The following PRKG1 variants were observed in gnomAD, a reference collection of about 807,000 sequenced individuals.
The protein encoded by PRKG1 is protein kinase cGMP-dependent 1, also known as cGMP-dependent protein kinase 1.
PRKG1 carries 35 observed loss-of-function variants against 88.1 expected under a neutral mutation model. That is an observed-to-expected ratio of 0.40 (90% CI 0.30 to 0.53). PRKG1 has a LOEUF of 0.53. Among genes scored for constraint, PRKG1 ranks in the 20% least tolerant of loss-of-function variants. The pLI, the probability that PRKG1 is intolerant of heterozygous loss-of-function variation, is 0.59. For missense variants in PRKG1, 540 were observed against 839.8 expected (o/e 0.64, Z 4.41); for synonymous variants, 303 against 292.5 (o/e 1.04, Z -0.37).
At chr10:51,506,603 T>C (rs1278756937) in intron 3 of PRKG1, among the ~76,000 whole-genome samples, 1 of 152,176 alleles carries the variant, frequency 6.6e-6, no homozygotes, top group Middle Eastern at 3.2e-3. Context: ...CACAGTGAGA[T>C]ACCATCTCAC....
chr10:52,090,215 G>C (rs547215184), intron 7 of PRKG1, among the ~76,000 whole-genome samples: 1 of 152,034 alleles, frequency 6.6e-6, no homozygotes, highest in African/African-American at 2.4e-5. Flanking sequence ...GATGATCCTG[G>C]GGTATCTTGT....
At chr10:52,208,731 G>A (rs886552366) in intron 9 of PRKG1, among the ~76,000 whole-genome samples, 2 of 152,158 alleles carry the variant, frequency 1.3e-5, no homozygotes, top group Non-Finnish European at 2.9e-5. Context: ...CTGCCCTAAA[G>A]GCAATAATTT....
intron 2 of PRKG1, among the ~76,000 whole-genome samples, chr10:51,353,591 A>G (rs1214084634): frequency 1.3e-5 from 2 of 152,170 alleles, no homozygotes; most frequent in Non-Finnish European, 2.9e-5. Context: ...AAACGCTACA[A>G]TGAGATATCA....
chr10:51,218,212 G>A (rs2132085228), intron 2 of PRKG1, among the ~76,000 whole-genome samples: 1 of 152,122 alleles, frequency 6.6e-6, no homozygotes, highest in South Asian at 2.1e-4. Flanking sequence ...TGGAGGCCCT[G>A]AGCAGAAAGA....
chr10:51,381,261 A>C (rs1257969096), intron 2 of PRKG1, among the ~76,000 whole-genome samples: 1 of 29,232 alleles, frequency 3.4e-5, no homozygotes, highest in Non-Finnish European at 6.0e-5. Context: ...CATCTTAAAA[A>C]AAAAAAAAAA....
intron 9 of PRKG1, among the ~76,000 whole-genome samples, chr10:52,203,929 T>A (rs1353334905): frequency 6.6e-6 from 1 of 152,104 alleles, no homozygotes; most frequent in East Asian, 1.9e-4. Context: ...GTGAGATGGG[T>A]CACTTGAAGA....
intron 3 of PRKG1, among the ~76,000 whole-genome samples, chr10:51,795,236 C>T (rs1173676613): frequency 6.6e-6 from 1 of 151,990 alleles, no homozygotes; most frequent in Admixed American, 6.6e-5. Flanking sequence ...TTATTTCTAT[C>T]TCCTTCATTA....
chr10:51,917,274 G>C (rs183985584), intron 5 of PRKG1, among the ~76,000 whole-genome samples: 2 of 148,744 alleles, frequency 1.3e-5, no homozygotes, highest in East Asian at 4.0e-4. Context: ...GGCCAAGATC[G>C]TGCCACTGCA....
chr10:51,142,867 A>G (rs1845852741), intron 1 of PRKG1, among the ~76,000 whole-genome samples: 1 of 152,112 alleles, frequency 6.6e-6, no homozygotes, highest in South Asian at 2.1e-4. Context: ...TTGACAGATA[A>G]CATCATATGC....
chr10:52,276,749 T>A (rs1528880), intron 12 of PRKG1, among the ~76,000 whole-genome samples: 21,141 of 152,166 alleles, frequency 0.14, 2,122 homozygotes, highest in African/African-American at 0.26. Flanking sequence ...ACAGGGTTTC[T>A]TTTGTTTTAA....
chr10:51,645,984 G>T (rs1303235696), intron 3 of PRKG1, among the ~76,000 whole-genome samples: 2 of 152,140 alleles, frequency 1.3e-5, no homozygotes. Flanking sequence ...CAAGTATTAA[G>T]CCTGAACTCT....
intron 10 of PRKG1, among the ~76,000 whole-genome samples, chr10:52,268,855 C>T (rs1406522299): frequency 6.6e-6 from 1 of 151,924 alleles, no homozygotes; most frequent in African/African-American, 2.4e-5. Flanking sequence ...TCAATGAATG[C>T]CCATTTGGTG....
intron 3 of PRKG1, among the ~76,000 whole-genome samples, chr10:51,754,586 T>A (rs908647667): frequency 2.6e-5 from 4 of 152,158 alleles, no homozygotes; most frequent in African/African-American, 9.7e-5. Flanking sequence ...TCCTACATTG[T>A]GGAATATTTT....
chr10:52,262,960 G>A (rs1345408234), intron 10 of PRKG1, among the ~76,000 whole-genome samples: 1 of 151,986 alleles, frequency 6.6e-6, no homozygotes, highest in East Asian at 1.9e-4. Flanking sequence ...TTTGTTTTCC[G>A]AGTATTTTCA....
At chr10:51,381,833 T>C (rs1396885315) in intron 2 of PRKG1, among the ~76,000 whole-genome samples, 2 of 152,196 alleles carry the variant, frequency 1.3e-5, no homozygotes, top group East Asian at 3.8e-4. Context: ...TTGTTTATAA[T>C]TGCATTACAT....
chr10:51,126,103 A>ACATATAAT (rs1845398438), intron 1 of PRKG1, among the ~76,000 whole-genome samples: 1 of 119,768 alleles, frequency 8.3e-6, no homozygotes, highest in Non-Finnish European at 1.6e-5. Context: ...ATAATATACT[A>ACATATAAT]TATATAATTA....
intron 2 of PRKG1, among the ~76,000 whole-genome samples, chr10:51,447,932 A>G (rs293258): frequency 0.35 from 53,313 of 151,856 alleles, 10,629 homozygotes; most frequent in African/African-American, 0.51. Flanking sequence ...ATTAATATGT[A>G]TATGTAATCA....
At chr10:51,651,872 G>A (rs534236038) in intron 3 of PRKG1, among the ~76,000 whole-genome samples, 41 of 152,156 alleles carry the variant, frequency 2.7e-4, no homozygotes, top group South Asian at 2.3e-3. Flanking sequence ...ATGAGCCACC[G>A]TGCCCAGCCC....
At chr10:51,689,735 G>A (rs1841088819) in intron 3 of PRKG1, among the ~76,000 whole-genome samples, 1 of 152,156 alleles carries the variant, frequency 6.6e-6, no homozygotes, top group Non-Finnish European at 1.5e-5. Context: ...TGTAAGCCAA[G>A]ACCTGAGTAA....
Sources: allele counts gnomAD v4.1 joint callset (sites outside exome capture counted in the v4.1 genomes callset), GRCh38; gene constraint gnomAD v4.1.1; transcripts MANE v1.5; gene names NCBI Gene and HGNC (gene_info 2026-07-23, HGNC 2026-07-21).